ERO1A: variants seen among roughly 807,000 people sequenced by gnomAD.
ERO1A encodes the protein endoplasmic reticulum oxidoreductase 1 alpha.
Under a neutral mutation model 76.9 loss-of-function variants are expected in ERO1A, and 49 were observed. The observed-to-expected ratio is 0.64, with a 90% CI of 0.51 to 0.81. ERO1A has a LOEUF of 0.81. Among genes scored for constraint, ERO1A ranks in the 30% least tolerant of loss-of-function variants. ERO1A has a pLI of 0.00. For synonymous variants in ERO1A, 174 were observed against 181.2 expected (o/e 0.96, Z 0.32); for missense variants, 448 against 542.1 (o/e 0.83, Z 1.72).
Position 52,639,998 on chromosome 14 carries a change from G to A in ERO1A, c.*3572C>T, listed in dbSNP as rs2039419412. ...TGACCCTTGCTGTAAAGTGAAGGGA[G>A]TGAAAGTATTTGGAATATAGGTAGG... On this transcript the variant is annotated 3_prime_UTR_variant, in exon 16 of 16. Coordinates refer to ENST00000395686, the MANE Select transcript of ERO1A (RefSeq NM_014584.3). 6.6e-6 allele frequency: 1 copy of A among 152,202 alleles called. No homozygotes were observed. Among genetic ancestry groups the A allele is most frequent in the South Asian group, 2.1e-4 (1 of 4,826 alleles). 9.4% of individuals were successfully genotyped at this position (152,202 alleles called of 1,614,324 possible).
At chr14:52,651,194 G>A (rs561753698) in intron 13 of ERO1A, among the ~76,000 whole-genome samples, 3 of 152,042 alleles carry the variant, frequency 2.0e-5, no homozygotes, top group Non-Finnish European at 4.4e-5. Flanking sequence ...AAGCTGAGGT[G>A]GGAGGATCGC....
At position 52,642,812 on chromosome 14, in the gene ERO1A, G is replaced by GAATA. The variant is rs2139607933; in HGVS notation, c.*754_*757dup. The GAATA allele has an allele frequency of 6.6e-6, 1 of 152,664 alleles. No homozygotes were observed. Among genetic ancestry groups the GAATA allele is most frequent in the East Asian group, 1.9e-4 (1 of 5,192 alleles). The allele number at this position is 152,664 out of a possible 1,614,324, so 9.5% of individuals were successfully genotyped here. ...TTTAGTATTAGTGAAAGTATTATGA[G>GAATA]AATAAATATATAATCTATTCAACTT... On this transcript the variant is annotated 3_prime_UTR_variant, in exon 16 of 16. Transcript: ENST00000395686.
At chr14:52,673,910 C>T (rs938680080) in intron 4 of ERO1A, among the ~76,000 whole-genome samples, 1 of 151,498 alleles carries the variant, frequency 6.6e-6, no homozygotes, top group Non-Finnish European at 1.5e-5. Flanking sequence ...CTTATTACCA[C>T]TTCTATCTTA....
At chr14:52,665,077 G>C (rs964237829) in intron 7 of ERO1A, among the ~76,000 whole-genome samples, 16 of 151,956 alleles carry the variant, frequency 1.1e-4, no homozygotes, top group African/African-American at 3.9e-4. Context: ...CGAGGTGGGT[G>C]GATCACCTGA....
At position 52,669,584 on chromosome 14, in the gene ERO1A, A is replaced by G. The variant is rs2040528996; in HGVS notation, c.508+2046T>C. 2.0e-5 allele frequency among the ~76,000 whole-genome samples: 3 copies of G among 152,208 alleles called. No homozygotes were observed. The South Asian group carries it at 6.2e-4, about 31-fold the overall frequency. On this transcript the variant is annotated intron_variant, in intron 6 of 15. Transcript: ENST00000395686. ...CCAGATTTTACAAAGGTAATACAGT[A>G]CATGCAACATATATCGCATATTACT...
At chr14:52,687,223 C>A (rs1384997190) in intron 1 of ERO1A, among the ~76,000 whole-genome samples, 1 of 151,994 alleles carries the variant, frequency 6.6e-6, no homozygotes, top group African/African-American at 2.4e-5. Context: ...CCTGGGAGTC[C>A]CAGATCAGCC....
At chr14:52,685,710 G>A (rs1269952948) in intron 1 of ERO1A, among the ~76,000 whole-genome samples, 1 of 152,138 alleles carries the variant, frequency 6.6e-6, no homozygotes, top group Non-Finnish European at 1.5e-5. Flanking sequence ...ATATCTTCAA[G>A]CCTCAGCTCA....
intron 4 of ERO1A, among the ~76,000 whole-genome samples, chr14:52,673,578 C>T (rs1180038642): frequency 6.6e-6 from 1 of 152,126 alleles, no homozygotes; most frequent in Non-Finnish European, 1.5e-5. Flanking sequence ...ATTAGTTCTT[C>T]GAAGCCTCAA....
At chr14:52,652,175 A>G in intron 13 of ERO1A, 64 bp downstream of exon 13, 1 of 1,014,580 alleles carries the variant, frequency 9.9e-7, no homozygotes, top group Non-Finnish European at 1.6e-6. Flanking sequence ...TATGAGTACT[A>G]TATATTCATA....
chr14:52,675,738 G>T (rs1282625656), intron 4 of ERO1A, among the ~76,000 whole-genome samples: 1 of 152,022 alleles, frequency 6.6e-6, no homozygotes, highest in Non-Finnish European at 1.5e-5. Flanking sequence ...AGACTCAAGG[G>T]ATCCTCCCAC....
chr14:52,695,343 C>CA (rs1257514761), intron 1 of ERO1A, 25 bp downstream of exon 1: 1 of 1,396,488 alleles, frequency 7.2e-7, no homozygotes, highest in Non-Finnish European at 9.4e-7. Context: ...CCGGGACCCT[C>CA]AGCACCAACG....
chr14:52,695,292 A>T, intron 1 of ERO1A, 76 bp downstream of exon 1: 1 of 1,003,308 alleles, frequency 1.0e-6, no homozygotes, highest in African/African-American at 1.7e-5. Context: ...CCAGCCGCTC[A>T]CCCGCCAGGG....
chr14:52,659,489 T>A (rs909814243), intron 9 of ERO1A, among the ~76,000 whole-genome samples: 1 of 152,194 alleles, frequency 6.6e-6, no homozygotes, highest in Non-Finnish European at 1.5e-5. Flanking sequence ...AAATCTTAAC[T>A]CTGCTACTTA....
intron 6 of ERO1A, among the ~76,000 whole-genome samples, chr14:52,666,790 GC>G (rs1395654907): frequency 6.6e-6 from 1 of 152,136 alleles, no homozygotes; most frequent in Non-Finnish European, 1.5e-5. Flanking sequence ...AATTAGCCGG[GC>G]GTGGTGGTGC....
At chr14:52,656,322 T>C (rs1483619352) in intron 11 of ERO1A, among the ~76,000 whole-genome samples, 1 of 152,328 alleles carries the variant, frequency 6.6e-6, no homozygotes, top group East Asian at 1.9e-4. Flanking sequence ...AAAATTTCCT[T>C]TTTTAAAGAT....
chr14:52,654,169 C>CA (rs1413936930), intron 11 of ERO1A, among the ~76,000 whole-genome samples: 13 of 152,170 alleles, frequency 8.5e-5, no homozygotes, highest in Non-Finnish European at 1.9e-4. Context: ...TCCCCATGAA[C>CA]ATTTTCTGTT....
At chr14:52,662,443 A>T (rs574996267) in intron 8 of ERO1A, among the ~76,000 whole-genome samples, 1 of 152,220 alleles carries the variant, frequency 6.6e-6, no homozygotes, top group East Asian at 1.9e-4. Context: ...GAGGAAATTT[A>T]TATTTATTAT....
chr14:52,657,757 C>G (rs1206093722), intron 11 of ERO1A, among the ~76,000 whole-genome samples, 160 bp downstream of exon 11: 1 of 152,146 alleles, frequency 6.6e-6, no homozygotes, highest in Admixed American at 6.5e-5. Flanking sequence ...TCAATTGTAT[C>G]TACAGTTCCC....
intron 4 of ERO1A, among the ~76,000 whole-genome samples, chr14:52,673,808 G>C (rs534777825): frequency 1.8e-4 from 28 of 152,124 alleles, no homozygotes; most frequent in African/African-American, 6.7e-4. Context: ...CACAGACTTG[G>C]CTCATTGCAA....
Sources: gnomAD v4.1 joint callset for allele counts (sites outside exome capture counted in the v4.1 genomes callset) on GRCh38, gnomAD v4.1.1 for gene constraint, MANE v1.5 for transcripts, NCBI Gene and HGNC (gene_info 2026-07-23, HGNC 2026-07-21) for gene names.